The following PRH1 variants were observed in gnomAD, a reference collection of about 807,000 sequenced individuals.
PRH1 encodes salivary acidic proline-rich phosphoprotein 1/2.
PRH1 carries 7 observed loss-of-function variants against 7.9 expected under a neutral mutation model. The ratio of observed to expected loss-of-function variants is 0.89; its 90% CI spans 0.50 to 1.67. The LOEUF is 1.67. Among genes scored for constraint, PRH1 ranks in the 40% most tolerant of loss-of-function variants. The pLI is 0.00. For missense variants in PRH1, 109 were observed against 223.6 expected, an observed-to-expected ratio of 0.49 and a Z score of 3.27; for synonymous variants, 45 against 80.8, an observed-to-expected ratio of 0.56 and a Z score of 2.38.
chr12:11,080,803 ACT>A lies in PRH1; in HGVS notation n.124-33617_124-33616del, dbSNP rs1485400264. 4.0e-4 allele frequency among the ~76,000 whole-genome samples: 47 copies of A among 116,766 alleles called. 10 individuals carry two copies. The highest frequency in any genetic ancestry group is 1.2e-3 in the African/African-American group (42 of 34,834). The allele number at this position is 116,766 out of a possible 152,430, so 76.6% of individuals were successfully genotyped here. ...CAATTTCTGTTTTTGAAGGTCTACT[ACT>A]CTTTGGAAACACACTGAAGACATGA... On this transcript the variant is annotated intron_variant and non_coding_transcript_variant, in intron 1 of 4. Transcript: ENST00000541977.
At chr12:11,083,927 T>C in intron 1 of PRH1, among the ~76,000 whole-genome samples, 1 of 98,554 alleles carries the variant, frequency 1.0e-5, no homozygotes, top group Non-Finnish European at 2.5e-5. Context: ...TTGCTCTAGT[T>C]GGTTCTGCTG....
At chr12:11,138,913 G>A (rs111586495) in intron 1 of PRH1, among the ~76,000 whole-genome samples, 7 of 152,132 alleles carry the variant, frequency 4.6e-5, no homozygotes, top group African/African-American at 9.6e-5. Context: ...GGTGGTGCAC[G>A]CCTGTTGTCC....
intron 1 of PRH1, among the ~76,000 whole-genome samples, chr12:11,066,617 T>C (rs74355698): frequency 1.3e-4 from 15 of 111,574 alleles, no homozygotes; most frequent in Middle Eastern, 4.2e-3. Flanking sequence ...TTCAAAAATA[T>C]ATCATTTAAT....
Position 11,089,617 on chromosome 12 carries a change from T to C in PRH1, n.124-42429A>G. On this transcript the variant is annotated intron_variant and non_coding_transcript_variant, in intron 1 of 4. Transcript: ENST00000541977. ...TTCTAAATAAATGTTAGCACTTTAA[T>C]AACAGGTATTACATTAAAAACATTT... 1.7e-5 allele frequency among the ~76,000 whole-genome samples: 2 copies of C among 119,506 alleles called. 1 individual carries two copies. Among genetic ancestry groups the C allele is most frequent in the Non-Finnish European group, 4.0e-5 (2 of 49,938 alleles). 78.4% of individuals were successfully genotyped at this position (119,506 alleles called of 152,430 possible). A position where few individuals can be genotyped will look rare whatever the true frequency, so the allele number is the denominator to read the frequency against.
Position 10,983,013 on chromosome 12 carries a change from A to C in PRH1, c.-125-9292T>G, listed in dbSNP as rs981560192. Among the ~76,000 whole-genome samples the C allele has an allele frequency of 1.8e-4, 27 of 152,228 alleles. 1 individual carries two copies. Among genetic ancestry groups the C allele is most frequent in the Admixed American group, 6.5e-5 (1 of 15,276 alleles). On this transcript the variant is annotated intron_variant, in intron 1 of 3. Coordinates refer to the PRH1 transcript ENST00000539853. Reference sequence around the variant, plus strand: ...GGCTGCTTGTCTCAAGTCAAACCCGAAACAAAAACGGGCTCTATAGCAGAT... The same window carrying C: ...GGCTGCTTGTCTCAAGTCAAACCCGCAACAAAAACGGGCTCTATAGCAGAT...
chr12:11,032,332 C>T (rs1407316228), intron 1 of PRH1, among the ~76,000 whole-genome samples: 11 of 152,126 alleles, frequency 7.2e-5, no homozygotes, highest in Non-Finnish European at 1.2e-4. Flanking sequence ...ATCACCAATG[C>T]GGACTTTTTT....
At chr12:11,026,805 G>A (rs1941938750) in intron 1 of PRH1, among the ~76,000 whole-genome samples, 1 of 151,828 alleles carries the variant, frequency 6.6e-6, no homozygotes, top group South Asian at 2.1e-4. Flanking sequence ...CTTTTTACTG[G>A]GCTTGTGATT....
chr12:11,094,751 C>T (rs1344047766), intron 1 of PRH1, among the ~76,000 whole-genome samples: 2 of 114,478 alleles, frequency 1.7e-5, no homozygotes, highest in Non-Finnish European at 4.1e-5. Context: ...AGTTATAATG[C>T]GCACTTAGAA....
chr12:10,903,598 T>C (rs1272103970), intron 2 of PRH1, among the ~76,000 whole-genome samples: 12 of 151,952 alleles, frequency 7.9e-5, no homozygotes, highest in Admixed American at 5.3e-4. Flanking sequence ...ACTGAAAGCA[T>C]TCCCCTTGAG....
intron 2 of PRH1, among the ~76,000 whole-genome samples, chr12:10,903,940 A>AAAAAAAAAAAAAAAC (rs1949762828): frequency 6.9e-6 from 1 of 144,500 alleles, no homozygotes; most frequent in Non-Finnish European, 1.5e-5. Flanking sequence ...TCAAAAAAAA[A>AAAAAAAAAAAAAAAC]AAAAAAAAAA....
chr12:11,106,219 C>T lies in PRH1; in HGVS notation n.124-59031G>A, dbSNP rs1311769290. ...CCTCCCAAAGTGCTGGGATTACAGG[C>T]GTGAGCCACCGCGCCCGGCCATAAC... is the stretch of plus-strand genomic sequence containing the variant. On this transcript the variant is annotated intron_variant and non_coding_transcript_variant, in intron 1 of 4. Coordinates refer to the PRH1 transcript ENST00000541977. Among the ~76,000 whole-genome samples the T allele has an allele frequency of 5.3e-4, 25 of 46,810 alleles. 9 individuals carry two copies. Among genetic ancestry groups the T allele is most frequent in the African/African-American group, 1.5e-3 (25 of 16,724 alleles). 30.7% of individuals were successfully genotyped at this position (46,810 alleles called of 152,430 possible).
At chr12:11,080,163 C>T (rs1222249957) in intron 1 of PRH1, among the ~76,000 whole-genome samples, 1 of 126,820 alleles carries the variant, frequency 7.9e-6, no homozygotes, top group Non-Finnish European at 1.8e-5. Flanking sequence ...TTTTACTTTA[C>T]CAACAAGCTA....
At chr12:10,915,122 C>T (rs1046623119) in intron 2 of PRH1, among the ~76,000 whole-genome samples, 6 of 151,912 alleles carry the variant, frequency 3.9e-5, no homozygotes, top group African/African-American at 7.3e-5. Flanking sequence ...AGTGAGACTC[C>T]GTCTCAAAAA....
chr12:11,054,569 A>T (rs1193198946), intron 1 of PRH1, among the ~76,000 whole-genome samples: 1 of 152,072 alleles, frequency 6.6e-6, no homozygotes, highest in East Asian at 1.9e-4. Context: ...TTCCTCACAT[A>T]TGTGTACACA....
At chr12:10,973,056 T>C (rs902115020) in intron 2 of PRH1, among the ~76,000 whole-genome samples, 1 of 151,822 alleles carries the variant, frequency 6.6e-6, no homozygotes, top group African/African-American at 2.4e-5. Context: ...TTCCCACTCA[T>C]GCTTTTTAGC....
chr12:11,115,595 A>T (rs138975918), intron 1 of PRH1, among the ~76,000 whole-genome samples: 39 of 152,290 alleles, frequency 2.6e-4, no homozygotes, highest in African/African-American at 8.2e-4. Context: ...CAGAATAAAC[A>T]TTCTTTTCCT....
intron 1 of PRH1, among the ~76,000 whole-genome samples, chr12:11,149,907 C>T (rs1440302220): frequency 5.9e-5 from 8 of 136,074 alleles, no homozygotes; most frequent in East Asian, 4.0e-4. Flanking sequence ...AGAAAATTTT[C>T]GCAACCTACT....
rs770778963 is a variant in PRH1, at chr12:10,882,218, T to G, written c.*17A>C. 1.9e-6 allele frequency: 3 copies of G among 1,613,550 alleles called. No individual in the cohort carries two copies. In the Admixed American group the frequency reaches 5.0e-5, roughly 27 times the overall value. On this transcript the variant is annotated splice_region_variant and 3_prime_UTR_variant, in exon 3 of 4. Coordinates refer to ENST00000543626, the MANE Select transcript of PRH1 (RefSeq NM_001393989.1). ...ATGGATAATAAACTGGAATCGTACCTGTCATTGAATCCTAGATTACTGAGG... is the reference window on the plus strand; with the variant it reads ...ATGGATAATAAACTGGAATCGTACCGGTCATTGAATCCTAGATTACTGAGG...
At chr12:11,038,632 T>C (rs2136119202) in intron 1 of PRH1, among the ~76,000 whole-genome samples, 1 of 152,380 alleles carries the variant, frequency 6.6e-6, no homozygotes, top group East Asian at 1.9e-4. Context: ...TTAATTTTGA[T>C]CACTGTATAG....
Sources: gnomAD v4.1 joint callset for allele counts (sites outside exome capture counted in the v4.1 genomes callset) on GRCh38, gnomAD v4.1.1 for gene constraint, MANE v1.5 for transcripts, NCBI Gene and HGNC (gene_info 2026-07-23, HGNC 2026-07-21) for gene names.